ADAMTS3: variants seen among roughly 807,000 people sequenced by gnomAD.
ADAMTS3 encodes the protein ADAM metallopeptidase with thrombospondin type 1 motif 3.
Under a neutral mutation model 129.0 loss-of-function variants are expected in ADAMTS3, and 73 were observed. The observed-to-expected ratio is 0.57, with a 90% CI of 0.47 to 0.69. ADAMTS3 has a LOEUF of 0.69. Ranked by LOEUF, ADAMTS3 falls within the 30% of genes least tolerant of loss-of-function variation. ADAMTS3 has a pLI of 0.00. For missense variants in ADAMTS3, 1,457 were observed against 1,514.5 expected (o/e 0.96, Z 0.63); for synonymous variants, 477 against 510.8 (o/e 0.93, Z 0.89).
chr4:72,307,036 A>G (rs1471096594), intron 15 of ADAMTS3, among the ~76,000 whole-genome samples: 1 of 151,980 alleles, frequency 6.6e-6, no homozygotes, highest in Non-Finnish European at 1.5e-5. Context: ...TGTAACCTAC[A>G]CCTTCAATAC....
intron 3 of ADAMTS3, among the ~76,000 whole-genome samples, chr4:72,490,544 A>G (rs1719712914): frequency 6.6e-6 from 1 of 151,884 alleles, no homozygotes; most frequent in Non-Finnish European, 1.5e-5. Flanking sequence ...TAAGATAAGG[A>G]TCATATTTCA....
rs79679692 is a variant in ADAMTS3, at chr4:72,459,476, G to A, written c.505-44505C>T. Among the ~76,000 whole-genome samples the A allele has an allele frequency of 9.2e-5, 14 of 151,656 alleles. No homozygotes were observed. In the East Asian group the frequency reaches 1.6e-3, roughly 17 times the overall value. Reference sequence around the variant, plus strand: ...TTAGCATAGAATCATGATTAAGAGCGTGAGGTTTAGACAGACTCAAGTCTG... The same window carrying A: ...TTAGCATAGAATCATGATTAAGAGCATGAGGTTTAGACAGACTCAAGTCTG... On this transcript the variant is annotated intron_variant, in intron 3 of 21. Coordinates refer to ENST00000286657, the MANE Select transcript of ADAMTS3 (RefSeq NM_014243.3).
At chr4:72,473,352 T>A (rs557829603) in intron 3 of ADAMTS3, among the ~76,000 whole-genome samples, 1 of 151,912 alleles carries the variant, frequency 6.6e-6, no homozygotes, top group Non-Finnish European at 1.5e-5. Flanking sequence ...TATCCCAGAT[T>A]TGCAGTGGAA....
At chr4:72,302,312 A>T (rs1455505562) in intron 17 of ADAMTS3, among the ~76,000 whole-genome samples, 1 of 152,102 alleles carries the variant, frequency 6.6e-6, no homozygotes, top group Admixed American at 6.6e-5. Flanking sequence ...ATAAAAAAAA[A>T]AAAAGAACCA....
At chr4:72,406,685 T>A (rs1176218859) in intron 4 of ADAMTS3, among the ~76,000 whole-genome samples, 1 of 152,222 alleles carries the variant, frequency 6.6e-6, no homozygotes, top group African/African-American at 2.4e-5. Context: ...ATTCAGGTCC[T>A]GAGTCTCAAT....
intron 4 of ADAMTS3, among the ~76,000 whole-genome samples, chr4:72,346,889 C>T (rs1720300309): frequency 6.6e-6 from 1 of 152,100 alleles, no homozygotes; most frequent in South Asian, 2.1e-4. Flanking sequence ...ATCTTCAGCT[C>T]TAGCAGTGCA....
chr4:72,479,067 T>C (rs935401173), intron 3 of ADAMTS3, among the ~76,000 whole-genome samples: 16 of 152,148 alleles, frequency 1.1e-4, no homozygotes, highest in Non-Finnish European at 1.8e-4. Context: ...TGGAAGAACA[T>C]TCCATGCTCA....
intron 3 of ADAMTS3, among the ~76,000 whole-genome samples, chr4:72,444,299 A>T (rs1166567184): frequency 1.3e-5 from 2 of 151,750 alleles, no homozygotes; most frequent in African/African-American, 4.8e-5. Context: ...CAAATGACGC[A>T]TGATAAAAAT....
chr4:72,410,987 C>T (rs1258577317), intron 4 of ADAMTS3, among the ~76,000 whole-genome samples: 1 of 152,146 alleles, frequency 6.6e-6, no homozygotes, highest in Non-Finnish European at 1.5e-5. Flanking sequence ...CTTGCCACTT[C>T]TGCACTAGAA....
intron 4 of ADAMTS3, among the ~76,000 whole-genome samples, chr4:72,351,811 G>T (rs1441638539): frequency 1.3e-5 from 2 of 151,930 alleles, no homozygotes; most frequent in African/African-American, 4.8e-5. Flanking sequence ...AATATGTTTT[G>T]CTCTGAGTTT....
intron 3 of ADAMTS3, among the ~76,000 whole-genome samples, chr4:72,425,715 T>C (rs1578668805): frequency 6.6e-6 from 1 of 152,050 alleles, no homozygotes; most frequent in Non-Finnish European, 1.5e-5. Context: ...TGCCACATTT[T>C]CTTAATCCAG....
intron 3 of ADAMTS3, among the ~76,000 whole-genome samples, chr4:72,475,729 T>C (rs9996092): frequency 0.67 from 101,578 of 151,448 alleles, 34,615 homozygotes; most frequent in South Asian, 0.8. Flanking sequence ...ACAGAACATA[T>C]ACCAAGAGAG....
At chr4:72,534,116 G>A (rs1366838574) in intron 3 of ADAMTS3, among the ~76,000 whole-genome samples, 3 of 152,160 alleles carry the variant, frequency 2.0e-5, no homozygotes, top group Admixed American at 6.5e-5. Flanking sequence ...TCGCGAGGTC[G>A]AGAGATCGAG....
intron 3 of ADAMTS3, among the ~76,000 whole-genome samples, chr4:72,438,719 T>C (rs1718034514): frequency 6.6e-6 from 1 of 151,754 alleles, no homozygotes; most frequent in Non-Finnish European, 1.5e-5. Flanking sequence ...TGAAAGAGTA[T>C]TGAGGACACA....
chr4:72,465,774 G>A (rs1190842774), intron 3 of ADAMTS3, among the ~76,000 whole-genome samples: 1 of 151,960 alleles, frequency 6.6e-6, no homozygotes, highest in Non-Finnish European at 1.5e-5. Flanking sequence ...TCAAGGGTGG[G>A]GCCATGTGGA....
At chr4:72,450,969 A>AAAGAAGAGAAG (rs1718385374) in intron 3 of ADAMTS3, among the ~76,000 whole-genome samples, 8 of 140,150 alleles carry the variant, frequency 5.7e-5, no homozygotes, top group Non-Finnish European at 9.2e-5. Context: ...GGCAGGCAAA[A>AAAGAAGAGAAG]AGAAGAGAAG....
At chr4:72,487,908 G>GA (rs976538622) in intron 3 of ADAMTS3, among the ~76,000 whole-genome samples, 2 of 151,838 alleles carry the variant, frequency 1.3e-5, no homozygotes, top group African/African-American at 2.4e-5. Flanking sequence ...TGACTTAAGA[G>GA]AAAAAATAGC....
Position 72,290,989 on chromosome 4 carries a change from A to G in ADAMTS3, c.2797T>C (p.Cys933Arg). The G allele has an allele frequency of 2.5e-6, 4 of 1,614,058 alleles. No individual in the cohort carries two copies. Among genetic ancestry groups the G allele is most frequent in the Non-Finnish European group, 3.4e-6 (4 of 1,179,974 alleles). Residue 933 changes from cysteine (C) to arginine (R), a missense_variant, in exon 20 of 22, where the codon TGC becomes CGC. Cys to Arg is a radical substitution (Grantham distance 180). Transcript: ENST00000286657. ...SSGYQLRTVR[C>R]LQPLLDGTNR... The stretch of plus-strand genomic sequence containing the variant: ...GTGCCATCAAGGAGTGGCTGAAGGC[A>G]GCGTACAGTGCGAAGCTGATAGCCA...
At chr4:72,510,169 T>A (rs952475785) in intron 3 of ADAMTS3, among the ~76,000 whole-genome samples, 1 of 151,674 alleles carries the variant, frequency 6.6e-6, no homozygotes, top group Non-Finnish European at 1.5e-5. Flanking sequence ...TAGTATCATA[T>A]TAAATGAGGA....
Sources: allele counts gnomAD v4.1 joint callset (sites outside exome capture counted in the v4.1 genomes callset), GRCh38; gene constraint gnomAD v4.1.1; transcripts MANE v1.5; gene names NCBI Gene and HGNC (gene_info 2026-07-23, HGNC 2026-07-21).